WDR82: variants seen among roughly 807,000 people sequenced by gnomAD.
WDR82 encodes the protein WD repeat-containing protein 82.
Under a neutral mutation model 36.1 loss-of-function variants are expected in WDR82, and 8 were observed. The ratio of observed to expected loss-of-function variants is 0.22; its 90% CI spans 0.13 to 0.40. WDR82 has a LOEUF of 0.40. Ranked by LOEUF, WDR82 falls within the 10% of genes least tolerant of loss-of-function variation. The probability of loss-of-function intolerance (pLI) is 1.00; values close to 1 mark genes in which losing one functional copy is unlikely to be tolerated. For synonymous variants in WDR82, 129 were observed against 137.8 expected, an observed-to-expected ratio of 0.94 and a Z score of 0.45; for missense variants, 185 against 400.5, an observed-to-expected ratio of 0.46 and a Z score of 4.59.
rs116592730 is a variant in WDR82, at chr3:52,277,385, T to C, written c.161+816A>G. On this transcript the variant is annotated intron_variant, in intron 1 of 8. Transcript: ENST00000296490. ...CAACATAAAAGTTTCATGATCAGAA[T>C]TGGAATTCAAAGTGGACCAAAAAGT... Among the ~76,000 whole-genome samples the C allele has an allele frequency of 3.0e-3, 451 of 151,922 alleles. 1 individual carries two copies. The highest frequency in any genetic ancestry group is 0.02 in the Middle Eastern group (6 of 294).
At chr3:52,273,875 G>T (rs1700176312) in intron 1 of WDR82, among the ~76,000 whole-genome samples, 1 of 152,144 alleles carries the variant, frequency 6.6e-6, no homozygotes, top group Non-Finnish European at 1.5e-5. Context: ...ACCCGCCTCG[G>T]CCTCCCAAAG....
intron 1 of WDR82, among the ~76,000 whole-genome samples, chr3:52,277,987 ATAT>A (rs1040783642): frequency 6.6e-6 from 1 of 152,222 alleles, no homozygotes; most frequent in African/African-American, 2.4e-5. Flanking sequence ...CATACAAATA[ATAT>A]TATAAAATTA....
At chr3:52,261,819 T>C (rs1169810839) in intron 3 of WDR82, among the ~76,000 whole-genome samples, 1 of 152,198 alleles carries the variant, frequency 6.6e-6, no homozygotes, top group African/African-American at 2.4e-5. Context: ...CATACATTGC[T>C]AATGGAAATG....
chr3:52,270,891 A>G (rs186926172), intron 1 of WDR82, 82 bp from the exon 2 acceptor site: 15 of 1,040,778 alleles, frequency 1.4e-5, no homozygotes, highest in African/African-American at 8.1e-5. Flanking sequence ...GAAGCACTTG[A>G]ATGATGTGGC....
At chr3:52,278,125 G>A (rs2045980616) in intron 1 of WDR82, 76 bp downstream of exon 1, 2 of 1,385,822 alleles carry the variant, frequency 1.4e-6, no homozygotes, top group Non-Finnish European at 1.9e-6. Flanking sequence ...CGGGACGGAG[G>A]GCAGGCCGAG....
At position 52,267,318 on chromosome 3, in the gene WDR82, T is replaced by C. The variant is rs147684866; in HGVS notation, c.260-300A>G. The C allele has an allele frequency of 5.3e-3, 1,454 of 272,668 alleles. 29 individuals carry two copies. Among genetic ancestry groups the C allele is most frequent in the South Asian group, 0.021 (619 of 28,796 alleles). The allele number at this position is 272,668 out of a possible 1,614,324, so 16.9% of individuals were successfully genotyped here. Reference sequence around the variant, plus strand: ...CAACTCCCACCCTGCAAATATACCCTGGTCAAAAAACAAAAACAAGTAAAG... The same window carrying C: ...CAACTCCCACCCTGCAAATATACCCCGGTCAAAAAACAAAAACAAGTAAAG... On this transcript the variant is annotated intron_variant, in intron 2 of 8. Transcript: ENST00000296490.
chr3:52,272,374 T>A (rs531011826), intron 1 of WDR82, among the ~76,000 whole-genome samples: 1 of 151,848 alleles, frequency 6.6e-6, no homozygotes, highest in East Asian at 1.9e-4. Flanking sequence ...CGAAACGCTA[T>A]CTCTACTAAA....
intron 3 of WDR82, 111 bp downstream of exon 3, chr3:52,266,841 C>A: frequency 1.2e-6 from 1 of 842,454 alleles, no homozygotes; most frequent in Non-Finnish European, 1.9e-6. Flanking sequence ...GAATGCCAAG[C>A]AGTAGTGAGG....
At chr3:52,261,718 A>C (rs1478796521) in intron 3 of WDR82, among the ~76,000 whole-genome samples, 1 of 152,228 alleles carries the variant, frequency 6.6e-6, no homozygotes, top group African/African-American at 2.4e-5. Flanking sequence ...GCAAATCAAA[A>C]CCACAATGAA....
At chr3:52,257,826 T>C (rs1327234841) in intron 8 of WDR82, among the ~76,000 whole-genome samples, 1 of 151,960 alleles carries the variant, frequency 6.6e-6, no homozygotes, top group Admixed American at 6.6e-5. Flanking sequence ...ATAAGTAACC[T>C]GTCCTCATTG....
At chr3:52,272,280 A>ACGCCTGTAATCTCAGCACTTTGGGAGGC (rs1700161032) in intron 1 of WDR82, among the ~76,000 whole-genome samples, 1 of 152,218 alleles carries the variant, frequency 6.6e-6, no homozygotes, top group African/African-American at 2.4e-5. Flanking sequence ...GTGGTGGCTC[A>ACGCCTGTAATCTCAGCACTTTGGGAGGC]CGCCTGTAAT....
At chr3:52,268,830 C>A (rs1176828044) in intron 2 of WDR82, among the ~76,000 whole-genome samples, 1 of 151,914 alleles carries the variant, frequency 6.6e-6, no homozygotes, top group Admixed American at 6.6e-5. Context: ...TTAGAAAAAT[C>A]TTTTTTGTTT....
chr3:52,264,124 T>C (rs144374814), intron 3 of WDR82, among the ~76,000 whole-genome samples: 9 of 152,026 alleles, frequency 5.9e-5, no homozygotes, highest in African/African-American at 2.2e-4. Context: ...GATCATGCCA[T>C]TGCACTCCAG....
chr3:52,267,694 A>C (rs1485582526), intron 2 of WDR82: 1 of 152,396 alleles, frequency 6.6e-6, no homozygotes, highest in Non-Finnish European at 1.5e-5. Flanking sequence ...ATATTAAAGA[A>C]AGGAACAATC....
At chr3:52,278,180 C>T in intron 1 of WDR82, 21 bp downstream of exon 1, 1 of 1,581,396 alleles carries the variant, frequency 6.3e-7, no homozygotes, top group Non-Finnish European at 8.6e-7. Context: ...GACTCGGGCC[C>T]AGGGCCTCCG....
chr3:52,278,323 G>C lies in WDR82; in HGVS notation c.39C>G (p.Val13=), dbSNP rs940133876. 6.2e-7 allele frequency: 1 copy of C among 1,600,888 alleles called. No individual in the cohort carries two copies. Among genetic ancestry groups the C allele is most frequent in the East Asian group, 2.4e-5 (1 of 42,526 alleles). The change falls in exon 1 of 9, where the codon GTC becomes GTG. Residue 13 remains valine (V), a synonymous_variant. Transcript: ENST00000296490. ...CCGAGTTTTCGCGGAACACCTTAGC[G>C]ACGCGGAAGCTCCGCAACACGCTGT... is the stretch of plus-strand genomic sequence containing the variant. The part of the protein sequence containing the change: ...LTDSVLRSFR[V]AKVFRENSDK...
rs541100626 is a variant in WDR82 at position 52,262,805 on chromosome 3, A to T, written c.327-1326T>A. 5.3e-5 allele frequency among the ~76,000 whole-genome samples: 8 copies of T among 152,322 alleles called. No homozygotes were observed. In the East Asian group the frequency reaches 1.5e-3, roughly 29 times the overall value. On this transcript the variant is annotated intron_variant, in intron 3 of 8. Coordinates refer to ENST00000296490, the MANE Select transcript of WDR82 (RefSeq NM_025222.4). ...TTAAAAGGTATTGTTAAAAGCCAAAATTTCCTGAGAATGCTGAGGAGGTAA... is the reference window on the plus strand; with the variant it reads ...TTAAAAGGTATTGTTAAAAGCCAAATTTTCCTGAGAATGCTGAGGAGGTAA...
chr3:52,255,381 T>C lies in WDR82; in HGVS notation c.*2109A>G, dbSNP rs1286307729. On this transcript the variant is annotated 3_prime_UTR_variant, in exon 9 of 9. Transcript: ENST00000296490. Reference sequence around the variant, plus strand: ...TGTGAAGTTAGGTAGCCTTTCCTGTTAACCCATGGTTCCAAGCACTCTCTC... The same window carrying C: ...TGTGAAGTTAGGTAGCCTTTCCTGTCAACCCATGGTTCCAAGCACTCTCTC... The C allele has an allele frequency of 6.6e-6, 1 of 152,174 alleles. No individual in the cohort carries two copies. The highest frequency in any genetic ancestry group is 2.4e-5 in the African/African-American group (1 of 41,438). The allele number at this position is 152,174 out of a possible 1,614,324, so 9.4% of individuals were successfully genotyped here. A position where few individuals can be genotyped will look rare whatever the true frequency, so the allele number is the denominator to read the frequency against.
intron 1 of WDR82, among the ~76,000 whole-genome samples, chr3:52,277,416 AG>A (rs1700215060): frequency 6.6e-6 from 1 of 152,162 alleles, no homozygotes; most frequent in South Asian, 2.1e-4. Context: ...AAAGTGTAAT[AG>A]AAAAAAAAAA....
Sources: gnomAD v4.1 joint callset for allele counts (sites outside exome capture counted in the v4.1 genomes callset) on GRCh38, gnomAD v4.1.1 for gene constraint, MANE v1.5 for transcripts, NCBI Gene and HGNC (gene_info 2026-07-23, HGNC 2026-07-21) for gene names.